The following SEMA6A variants were observed in gnomAD, a reference collection of about 807,000 sequenced individuals.
SEMA6A encodes the protein semaphorin 6A.
A neutral mutation model predicts 96.8 loss-of-function variants in SEMA6A; 25 were observed. That is an observed-to-expected ratio of 0.26 (90% CI 0.19 to 0.36). The LOEUF (loss-of-function observed/expected upper bound fraction) is 0.36, where lower values mean the gene tolerates loss of function less well. Among genes scored for constraint, SEMA6A ranks in the 10% least tolerant of loss-of-function variants. The probability of loss-of-function intolerance (pLI) is 1.00; values close to 1 mark genes in which losing one functional copy is unlikely to be tolerated. For synonymous variants in SEMA6A, 612 were observed against 518.0 expected (o/e 1.18, Z -2.46); for missense variants, 1,363 against 1,323.1 (o/e 1.03, Z -0.47).
chr5:116,526,862 T>C (rs1448659399), intron 1 of SEMA6A, among the ~76,000 whole-genome samples: 1 of 152,166 alleles, frequency 6.6e-6, no homozygotes, highest in Non-Finnish European at 1.5e-5. Context: ...AAGATGCTGG[T>C]ATTCTTACAG....
intron 18 of SEMA6A, among the ~76,000 whole-genome samples, chr5:116,454,296 C>T (rs934601765): frequency 6.6e-6 from 1 of 152,118 alleles, no homozygotes; most frequent in South Asian, 2.1e-4. Flanking sequence ...AGAAAAGCCC[C>T]GGAGTAGCAT....
intron 15 of SEMA6A, among the ~76,000 whole-genome samples, chr5:116,477,027 A>G (rs1756484783): frequency 6.6e-6 from 1 of 152,198 alleles, no homozygotes; most frequent in Non-Finnish European, 1.5e-5. Flanking sequence ...TGATTTAAAG[A>G]TGGTTCTGTT....
At chr5:116,448,754 T>TC (rs1426499938) in intron 18 of SEMA6A, among the ~76,000 whole-genome samples, 3 of 14,390 alleles carry the variant, frequency 2.1e-4, no homozygotes, top group African/African-American at 6.2e-4. Context: ...GCATCACCTC[T>TC]CAAAAAAAAA....
chr5:116,497,190 T>G (rs983450195), intron 4 of SEMA6A, 137 bp downstream of exon 4: 2 of 581,146 alleles, frequency 3.4e-6, no homozygotes, highest in South Asian at 2.6e-5. Flanking sequence ...ATTCCCTAAT[T>G]AGGATTTCAC....
chr5:116,475,687 A>T, intron 15 of SEMA6A, 84 bp from the exon 16 acceptor site: 1 of 935,104 alleles, frequency 1.1e-6, no homozygotes, highest in East Asian at 2.7e-5. Flanking sequence ...CACTAAAGAC[A>T]GTAACACAGT....
At chr5:116,536,698 T>C (rs77888409) in intron 1 of SEMA6A, among the ~76,000 whole-genome samples, 1,974 of 152,200 alleles carry the variant, frequency 0.013, 49 homozygotes, top group African/African-American at 0.045. Context: ...CAGAGGACAC[T>C]GGCACCAGTC....
chr5:116,559,582 G>C (rs1760739114), intron 1 of SEMA6A, among the ~76,000 whole-genome samples: 1 of 152,122 alleles, frequency 6.6e-6, no homozygotes, highest in Admixed American at 6.5e-5. Flanking sequence ...GCGCTCTCGG[G>C]GTTCGGACCA....
intron 17 of SEMA6A, among the ~76,000 whole-genome samples, chr5:116,470,713 C>T (rs562654010): frequency 6.6e-6 from 1 of 152,232 alleles, no homozygotes; most frequent in South Asian, 2.1e-4. Context: ...AACTCTGCAT[C>T]GTTTATTGAA....
intron 9 of SEMA6A, 138 bp from the exon 10 acceptor site, chr5:116,487,104 AAAAG>A (rs1322761540): frequency 3.6e-4 from 216 of 594,314 alleles, no homozygotes; most frequent in South Asian, 5.1e-4. Context: ...ACAAAAAAAA[AAAAG>A]AAAGAAAAGA....
chr5:116,572,361 C>T (rs961719215), intron 1 of SEMA6A, among the ~76,000 whole-genome samples: 1 of 152,218 alleles, frequency 6.6e-6, no homozygotes, highest in African/African-American at 2.4e-5. Flanking sequence ...CCAAAGCAGC[C>T]ACCTTTCTCC....
intron 1 of SEMA6A, among the ~76,000 whole-genome samples, chr5:116,507,522 G>C (rs1000785566): frequency 6.6e-6 from 1 of 152,166 alleles, no homozygotes; most frequent in Non-Finnish European, 1.5e-5. Flanking sequence ...ACTTAACACT[G>C]AGTTTATAAA....
At position 116,443,798 on chromosome 5, in the gene SEMA6A, A is replaced by C. The variant is rs1308336009; in HGVS notation, c.*2815T>G. 3 of 152,626 alleles carry C rather than the reference A, an allele frequency of 2.0e-5. No individual in the cohort carries two copies. The highest frequency in any genetic ancestry group is 7.2e-5 in the African/African-American group (3 of 41,456). 9.5% of individuals were successfully genotyped at this position (152,626 alleles called of 1,614,324 possible). A position where few individuals can be genotyped will look rare whatever the true frequency, so the allele number is the denominator to read the frequency against. Reference sequence around the variant, plus strand: ...AGTGTCTAGCAAGGGTGGAAAGCAAAGGCACACTCGGGTTTATGGACCCTC... The same window carrying C: ...AGTGTCTAGCAAGGGTGGAAAGCAACGGCACACTCGGGTTTATGGACCCTC... On this transcript the variant is annotated 3_prime_UTR_variant, in exon 19 of 19. Transcript: ENST00000343348.
chr5:116,554,695 A>G (rs1470260881), intron 1 of SEMA6A: 2 of 152,174 alleles, frequency 1.3e-5, no homozygotes, highest in African/African-American at 4.8e-5. Flanking sequence ...TCAATTAAGT[A>G]TATACATACA....
chr5:116,542,801 G>A (rs1048562833), intron 1 of SEMA6A, among the ~76,000 whole-genome samples: 1 of 152,174 alleles, frequency 6.6e-6, no homozygotes, highest in African/African-American at 2.4e-5. Context: ...GCATAAGGAA[G>A]TGAGGGCAGC....
chr5:116,572,496 C>A (rs1761262929), intron 1 of SEMA6A, among the ~76,000 whole-genome samples: 1 of 152,212 alleles, frequency 6.6e-6, no homozygotes, highest in East Asian at 1.9e-4. Flanking sequence ...CCGCTCCACG[C>A]ACACCTGGCT....
intron 1 of SEMA6A, chr5:116,562,858 A>T: frequency 1.5e-6 from 1 of 646,768 alleles, no homozygotes; most frequent in Non-Finnish European, 2.9e-6. Flanking sequence ...ACCGGGCCAC[A>T]GGAGGAAATA....
At chr5:116,454,580 A>T (rs1306829902) in intron 18 of SEMA6A, among the ~76,000 whole-genome samples, 8 of 152,164 alleles carry the variant, frequency 5.3e-5, no homozygotes, top group Admixed American at 4.6e-4. Flanking sequence ...CCCTAACTGG[A>T]GACAATTTAT....
At chr5:116,560,758 T>A (rs1264013000) in intron 1 of SEMA6A, among the ~76,000 whole-genome samples, 1 of 152,100 alleles carries the variant, frequency 6.6e-6, no homozygotes, top group Non-Finnish European at 1.5e-5. Context: ...ATTTGCCATT[T>A]GATATTTCTT....
At chr5:116,482,068 C>G (rs1279692098) in intron 11 of SEMA6A, among the ~76,000 whole-genome samples, 1 of 152,026 alleles carries the variant, frequency 6.6e-6, no homozygotes, top group African/African-American at 2.4e-5. Context: ...AGACATGGGT[C>G]TCTATAAAAT....
Sources: gnomAD v4.1 joint callset for allele counts (sites outside exome capture counted in the v4.1 genomes callset) on GRCh38, gnomAD v4.1.1 for gene constraint, MANE v1.5 for transcripts, NCBI Gene and HGNC (gene_info 2026-07-23, HGNC 2026-07-21) for gene names.